LILRB3: variants seen among roughly 807,000 people sequenced by gnomAD.
LILRB3 encodes leukocyte immunoglobulin like receptor B3.
In LILRB3, 32 loss-of-function variants were observed where a neutral mutation model predicts 68.2. The ratio of observed to expected loss-of-function variants is 0.47; its 90% CI spans 0.35 to 0.63. LILRB3 has a LOEUF of 0.63. Ranked by LOEUF, LILRB3 falls within the 30% of genes least tolerant of loss-of-function variation. The probability of loss-of-function intolerance (pLI) is 0.00; values close to 1 mark genes in which losing one functional copy is unlikely to be tolerated. For missense variants in LILRB3, 502 were observed against 791.3 expected (o/e 0.63, Z 4.39); for synonymous variants, 185 against 323.1 (o/e 0.57, Z 4.58).
chr19:54,220,248 A>T, intron 6 of LILRB3, 43 bp from the exon 7 acceptor site: 2 of 1,306,492 alleles, frequency 1.5e-6, no homozygotes, highest in Admixed American at 2.8e-5. Context: ...GGGGCCGTCC[A>T]TGGAGTGCAC....
At chr19:54,222,836 C>T in intron 1 of LILRB3, 54 bp from the exon 2 acceptor site, 2 of 1,612,572 alleles carry the variant, frequency 1.2e-6, no homozygotes, top group South Asian at 1.1e-5. Context: ...CAGGTCCCCG[C>T]CCGGGTGCCT....
rs1371935237 is a variant in LILRB3, at chr19:54,220,124, C to T, written c.1309+31G>A. Reference sequence around the variant, plus strand: ...GAGACTCAGACTGCCCTGGGGGAGGCGGCGCTCCCCAAGAGGCCTCAGTGA... The same window carrying T: ...GAGACTCAGACTGCCCTGGGGGAGGTGGCGCTCCCCAAGAGGCCTCAGTGA... On this transcript the variant is annotated intron_variant, in intron 7 of 12. Transcript: ENST00000445347. The T allele has an allele frequency of 4.0e-6, 6 of 1,506,428 alleles. No homozygotes were observed. In the South Asian group the frequency reaches 7.4e-5, roughly 19 times the overall value. The allele number at this position is 1,506,428 out of a possible 1,614,324, so 93.3% of individuals were successfully genotyped here.
chr19:54,217,082 T>C, exon 13 of LILRB3: 1 of 1,614,074 alleles, frequency 6.2e-7, no homozygotes, highest in Non-Finnish European at 8.5e-7. Context: ...GGGGTCTGCG[T>C]ACCCCCCGGG....
exon 13 of LILRB3, chr19:54,217,060 T>C: frequency 6.2e-7 from 1 of 1,614,082 alleles, no homozygotes; most frequent in Non-Finnish European, 8.5e-7. Flanking sequence ...TGAGTCTCCT[T>C]CTGCTGAGTG....
exon 8 of LILRB3, chr19:54,219,222 A>C: frequency 6.3e-7 from 1 of 1,593,564 alleles, no homozygotes; most frequent in Non-Finnish European, 8.5e-7. Context: ...ACCCCAATCA[A>C]AACCTCCAGG....
rs763263178 is a variant in LILRB3, at chr19:54,217,523, T to C, written c.1594-49A>G. On this transcript the variant is annotated intron_variant, in intron 11 of 12. Transcript: ENST00000445347. ...GGGGTGTCCTTGAGTCCCCCTGACCTCCTGGAGTCAATTTTCCTCACTGTT... is the reference window on the plus strand; with the variant it reads ...GGGGTGTCCTTGAGTCCCCCTGACCCCCTGGAGTCAATTTTCCTCACTGTT... The C allele has an allele frequency of 2.7e-5, 43 of 1,566,700 alleles. No homozygotes were observed. The East Asian group carries it at 7.4e-4, about 27-fold the overall frequency.
intron 7 of LILRB3, 169 bp from the exon 8 acceptor site, chr19:54,219,414 A>G: frequency 2.0e-6 from 3 of 1,478,992 alleles, no homozygotes; most frequent in Non-Finnish European, 2.8e-6. Context: ...ACTGAGGCTC[A>G]GAGCAGGGAG....
exon 13 of LILRB3, chr19:54,216,903 A>C (rs2077515133): frequency 2.1e-6 from 3 of 1,438,724 alleles, no homozygotes; most frequent in Admixed American, 2.9e-5. Context: ...CTGTTGCTTT[A>C]TTTCCAAAAT....
chr19:54,216,606 G>C (rs1215569608), exon 13 of LILRB3: 9 of 1,007,564 alleles, frequency 8.9e-6, no homozygotes, highest in Non-Finnish European at 8.3e-6. Context: ...CACCGCGCCC[G>C]GCCTATTTAT....
chr19:54,217,614 G>GTCTGGCC (rs2077616671), intron 11 of LILRB3, 140 bp from the exon 12 acceptor site: 1 of 1,176,736 alleles, frequency 8.5e-7, no homozygotes, highest in Admixed American at 2.7e-5. Context: ...GCCGTGGAGG[G>GTCTGGCC]TCTGGCCGCT....
intron 2 of LILRB3, 63 bp from the exon 3 acceptor site, chr19:54,222,625 C>G (rs2078309971): frequency 6.2e-7 from 1 of 1,611,534 alleles, no homozygotes. Flanking sequence ...GCTCCCAGCC[C>G]CAGGACTTCC....
chr19:54,217,944 C>G (rs1386548341), intron 11 of LILRB3, among the ~76,000 whole-genome samples: 1 of 150,482 alleles, frequency 6.6e-6, no homozygotes, highest in Non-Finnish European at 1.5e-5. Context: ...TGTCTCCCAC[C>G]GTGAGGTGAG....
At chr19:54,219,898 A>C (rs760054317) in intron 7 of LILRB3, 26 of 1,547,436 alleles carry the variant, frequency 1.7e-5, no homozygotes, top group Non-Finnish European at 2.2e-5. Flanking sequence ...TGGGGGGTTA[A>C]GGGGCTGGTC....
intron 10 of LILRB3, 109 bp from the exon 11 acceptor site, chr19:54,218,522 C>T (rs999777760): frequency 3.7e-6 from 6 of 1,601,836 alleles, no homozygotes; most frequent in Admixed American, 1.7e-5. Context: ...GGAGGTCCCA[C>T]AGTGTGGGGC....
At chr19:54,219,763 G>C in intron 7 of LILRB3, 3 of 1,480,558 alleles carry the variant, frequency 2.0e-6, no homozygotes, top group Non-Finnish European at 2.7e-6. Flanking sequence ...AGGCAGGGGA[G>C]GGGCCTGTCC....
At chr19:54,218,667 A>G (rs914808152) in exon 10 of LILRB3, 11 of 1,614,070 alleles carry the variant, frequency 6.8e-6, no homozygotes, top group African/African-American at 1.3e-5. Context: ...CCTGGACGTC[A>G]GCAGCTGGGC....
chr19:54,219,783 C>T, intron 7 of LILRB3: 1 of 1,504,624 alleles, frequency 6.6e-7, no homozygotes, highest in Admixed American at 2.0e-5. Context: ...CACATCACCA[C>T]CTCCAGAGGA....
At chr19:54,219,078 G>A in intron 8 of LILRB3, 51 bp downstream of exon 8, 1 of 1,548,470 alleles carries the variant, frequency 6.5e-7, no homozygotes, top group Non-Finnish European at 8.7e-7. Context: ...TCTGGCTGGT[G>A]CCCTGAGCCC....
intron 8 of LILRB3, 58 bp downstream of exon 8, chr19:54,219,071 G>T: frequency 6.5e-7 from 1 of 1,544,848 alleles, no homozygotes; most frequent in South Asian, 1.3e-5. Context: ...GGTTCCCTCT[G>T]GCTGGTGCCC....
Sources: gnomAD v4.1 joint callset for allele counts (sites outside exome capture counted in the v4.1 genomes callset) on GRCh38, gnomAD v4.1.1 for gene constraint, MANE v1.5 for transcripts, NCBI Gene and HGNC (gene_info 2026-07-23, HGNC 2026-07-21) for gene names.